Variants in PTPRD observed in about 807,000 individuals in gnomAD.
PTPRD encodes receptor-type tyrosine-protein phosphatase delta.
PTPRD carries 34 observed loss-of-function variants against 214.5 expected under a neutral mutation model. That is an observed-to-expected ratio of 0.16 (90% CI 0.12 to 0.21). The LOEUF is 0.21. Among genes scored for constraint, PTPRD ranks in the 10% least tolerant of loss-of-function variants. PTPRD has a pLI of 1.00. For synonymous variants in PTPRD, 1,128 were observed against 845.7 expected (o/e 1.33, Z -5.79); for missense variants, 2,545 against 2,398.7 (o/e 1.06, Z -1.27).
intron 5 of PTPRD, among the ~76,000 whole-genome samples, chr9:9,853,512 T>C (rs939249404): frequency 6.6e-6 from 1 of 152,144 alleles, no homozygotes; most frequent in African/African-American, 2.4e-5. Flanking sequence ...TGCAACTGTG[T>C]ATTATTGTGT....
rs528498219 is a variant in PTPRD, at chr9:10,229,402, C to T, written c.-545+111561G>A. Among the ~76,000 whole-genome samples, 9 of 152,066 alleles carry T rather than the reference C, an allele frequency of 5.9e-5. No homozygotes were observed. In the South Asian group the frequency reaches 8.3e-4, roughly 14 times the overall value. On this transcript the variant is annotated intron_variant, in intron 3 of 45. Coordinates refer to ENST00000381196, the MANE Select transcript of PTPRD (RefSeq NM_002839.4). ...ATGCTGCTATAAAGACACATGCACA[C>T]GTATGTTTATTGCGGCACTATTCAC...
At chr9:10,230,884 TA>T (rs938500410) in intron 3 of PTPRD, among the ~76,000 whole-genome samples, 85 of 152,162 alleles carry the variant, frequency 5.6e-4, no homozygotes, top group African/African-American at 1.9e-3. Context: ...TTCTAGCGTT[TA>T]AAGTTTGTTT....
At chr9:10,516,043 C>T (rs1257031725) in intron 2 of PTPRD, among the ~76,000 whole-genome samples, 2 of 151,828 alleles carry the variant, frequency 1.3e-5, no homozygotes, top group Non-Finnish European at 2.9e-5. Context: ...CATGGTAGTG[C>T]TAATATCTTT....
chr9:10,124,767 T>A (rs2098802897), intron 3 of PTPRD, among the ~76,000 whole-genome samples: 1 of 152,254 alleles, frequency 6.6e-6, no homozygotes, highest in Non-Finnish European at 1.5e-5. Flanking sequence ...CTGCTCTTAA[T>A]GTATTTTTCC....
chr9:9,764,125 G>C (rs1261313623), intron 6 of PTPRD, among the ~76,000 whole-genome samples: 1 of 152,112 alleles, frequency 6.6e-6, no homozygotes, highest in East Asian at 1.9e-4. Flanking sequence ...GGCAAATAAT[G>C]TATCTGTTTC....
chr9:9,239,076 C>T (rs139896045), intron 9 of PTPRD, among the ~76,000 whole-genome samples: 1 of 152,060 alleles, frequency 6.6e-6, no homozygotes, highest in Non-Finnish European at 1.5e-5. Flanking sequence ...AACTTGCAAT[C>T]TCCCTGTGCC....
At chr9:9,149,214 C>T (rs906891207) in intron 10 of PTPRD, among the ~76,000 whole-genome samples, 1 of 152,178 alleles carries the variant, frequency 6.6e-6, no homozygotes, top group Non-Finnish European at 1.5e-5. Flanking sequence ...ACATTATCTA[C>T]CTCGTAGCCT....
intron 3 of PTPRD, among the ~76,000 whole-genome samples, chr9:10,123,926 T>C (rs987608338): frequency 2.0e-5 from 3 of 152,202 alleles, no homozygotes; most frequent in African/African-American, 7.2e-5. Context: ...ATGATATTGA[T>C]ATTCATGTTA....
intron 2 of PTPRD, among the ~76,000 whole-genome samples, chr9:10,525,777 T>A (rs1199541513): frequency 6.7e-6 from 1 of 150,250 alleles, no homozygotes; most frequent in Non-Finnish European, 1.5e-5. Flanking sequence ...GAAAAACTGA[T>A]ACATTGAAGA....
intron 11 of PTPRD, among the ~76,000 whole-genome samples, chr9:8,929,681 T>TTATATATGTGTATATATATATGTGTATA (rs1450452359): frequency 0.011 from 1,296 of 119,400 alleles, 131 homozygotes; most frequent in Non-Finnish European, 0.016. Flanking sequence ...AGGTTTTCTT[T>TTATATATGTGTATATATATATGTGTATA]TATATATGTG....
chr9:9,648,438 A>G (rs1186994290), intron 7 of PTPRD, among the ~76,000 whole-genome samples: 1 of 152,172 alleles, frequency 6.6e-6, no homozygotes, highest in Non-Finnish European at 1.5e-5. Context: ...AACAAAATTC[A>G]TTTTATCTAA....
chr9:9,278,557 A>C (rs954402971), intron 9 of PTPRD, among the ~76,000 whole-genome samples: 1 of 151,296 alleles, frequency 6.6e-6, no homozygotes, highest in Non-Finnish European at 1.5e-5. Flanking sequence ...ATTTGGGAAA[A>C]GTTAAGAGCC....
chr9:10,554,807 C>T (rs374086873), intron 2 of PTPRD, among the ~76,000 whole-genome samples: 7 of 152,042 alleles, frequency 4.6e-5, no homozygotes, highest in Non-Finnish European at 8.8e-5. Context: ...ACTACAGGCG[C>T]CCGCCACCAC....
intron 7 of PTPRD, among the ~76,000 whole-genome samples, chr9:9,675,900 C>T (rs911412737): frequency 6.6e-6 from 1 of 152,030 alleles, no homozygotes; most frequent in African/African-American, 2.4e-5. Flanking sequence ...CTGTCAGCAT[C>T]ATTGATGTAA....
At chr9:10,270,391 T>C (rs2094350878) in intron 3 of PTPRD, among the ~76,000 whole-genome samples, 1 of 152,184 alleles carries the variant, frequency 6.6e-6, no homozygotes, top group South Asian at 2.1e-4. Context: ...TAAGAAAATA[T>C]AATTTCAAGT....
intron 39 of PTPRD, among the ~76,000 whole-genome samples, chr9:8,346,186 T>C (rs1489786568): frequency 9.3e-6 from 1 of 107,836 alleles, no homozygotes; most frequent in East Asian, 2.7e-4. Flanking sequence ...AAATAATAAA[T>C]TATAAATTGT....
In PTPRD at chr9:8,341,072, G is replaced by C; in HGVS notation, c.5126+18C>G. ...AAATATCAAGGCTTTGGATAGTCAG[G>C]GGAGCAAAAGTAGATACCTGTATCC... On this transcript the variant is annotated intron_variant, in intron 41 of 45. Coordinates refer to ENST00000381196, the MANE Select transcript of PTPRD (RefSeq NM_002839.4). 3.8e-6 allele frequency: 6 copies of C among 1,562,700 alleles called. No individual in the cohort carries two copies. Among genetic ancestry groups the C allele is most frequent in the Non-Finnish European group, 5.2e-6 (6 of 1,155,008 alleles).
intron 7 of PTPRD, among the ~76,000 whole-genome samples, chr9:9,626,956 T>G (rs1271114963): frequency 6.6e-6 from 1 of 152,198 alleles, no homozygotes; most frequent in East Asian, 1.9e-4. Context: ...AATATGAATT[T>G]CAAGATAATT....
chr9:9,386,049 A>G (rs1465137681), intron 9 of PTPRD, among the ~76,000 whole-genome samples: 2 of 152,132 alleles, frequency 1.3e-5, no homozygotes, highest in East Asian at 1.9e-4. Context: ...TACTTACCTA[A>G]GGGAAAATTT....
Sources: allele counts gnomAD v4.1 joint callset (sites outside exome capture counted in the v4.1 genomes callset), GRCh38; gene constraint gnomAD v4.1.1; transcripts MANE v1.5; gene names NCBI Gene and HGNC (gene_info 2026-07-23, HGNC 2026-07-21).